The following MTREX variants were observed in gnomAD, a reference collection of about 807,000 sequenced individuals.
MTREX encodes the protein exosome RNA helicase MTR4.
Under a neutral mutation model 135.4 loss-of-function variants are expected in MTREX, and 76 were observed. That is an observed-to-expected ratio of 0.56 (90% confidence interval 0.47 to 0.68). MTREX has a LOEUF of 0.68. Among genes scored for constraint, MTREX ranks in the 30% least tolerant of loss-of-function variants. MTREX has a pLI of 0.00. For missense variants in MTREX, 920 were observed against 1,262.1 expected (o/e 0.73, Z 4.11); for synonymous variants, 404 against 401.6 (o/e 1.01, Z -0.07).
intron 23 of MTREX, among the ~76,000 whole-genome samples, chr5:55,411,675 C>T (rs369109859): frequency 6.6e-6 from 1 of 152,106 alleles, no homozygotes; most frequent in Non-Finnish European, 1.5e-5. Flanking sequence ...GGACAATAAT[C>T]CAAAAACAGT....
intron 18 of MTREX, among the ~76,000 whole-genome samples, chr5:55,380,844 T>A (rs1020372817): frequency 4.6e-5 from 7 of 151,986 alleles, no homozygotes; most frequent in African/African-American, 1.7e-4. Flanking sequence ...GTGTTCCCCT[T>A]TTCTTCCATT....
In MTREX at chr5:55,330,142, A is replaced by C. The variant is rs1048009406; in HGVS notation, c.515+1331A>C. Among the ~76,000 whole-genome samples, 23 of 152,096 alleles carry C rather than the reference A, an allele frequency of 1.5e-4. No individual in the cohort carries two copies. The East Asian group carries it at 4.3e-3, about 28-fold the overall frequency. On this transcript the variant is annotated intron_variant, in intron 5 of 26. Transcript: ENST00000230640. ...CGCCCAGGTTGGAGTGCAGTGGCACAAACAGAGCTCATTTGCATTCTCAAA... is the reference window on the plus strand; with the variant it reads ...CGCCCAGGTTGGAGTGCAGTGGCACCAACAGAGCTCATTTGCATTCTCAAA...
intron 16 of MTREX, among the ~76,000 whole-genome samples, chr5:55,373,993 T>TGG (rs1417209622): frequency 2.6e-5 from 4 of 152,150 alleles, no homozygotes; most frequent in Middle Eastern, 3.4e-3. Context: ...CCAGGCATGG[T>TGG]GGCTCATGCC....
chr5:55,341,869 G>A (rs1749654390), intron 7 of MTREX, 98 bp downstream of exon 7: 1 of 591,008 alleles, frequency 1.7e-6, no homozygotes, highest in African/African-American at 1.9e-5. Context: ...TAGTTTTTGT[G>A]TGGCTAGGGT....
chr5:55,385,613 T>C (rs1750465534), intron 18 of MTREX, among the ~76,000 whole-genome samples: 1 of 152,140 alleles, frequency 6.6e-6, no homozygotes, highest in Non-Finnish European at 1.5e-5. Flanking sequence ...CTTTACTGAA[T>C]TTTAGATTTT....
Position 55,366,857 on chromosome 5 carries a change from A to G in MTREX, c.1792A>G (p.Ile598Val), listed in dbSNP as rs1272118682. The G allele has an allele frequency of 1.2e-6, 2 of 1,609,026 alleles. No homozygotes were observed. Among genetic ancestry groups the G allele is most frequent in the South Asian group, 1.1e-5 (1 of 89,638 alleles). Residue 598 changes from isoleucine to valine, a missense_variant, in exon 16 of 27, where the codon ATT becomes GTT. Physicochemically the swap from Ile to Val is conservative, Grantham distance 29 (BLOSUM62 3). Coordinates refer to ENST00000230640, the MANE Select transcript of MTREX (RefSeq NM_015360.5). ...SFYQFQHYRA[I>V]PGVVEKVKNS... ...CTACCAGTTTCAGCATTATAGAGCAATTCCAGGAGTAGTAGAGAGTAAGTA... is the reference window on the plus strand; with the variant it reads ...CTACCAGTTTCAGCATTATAGAGCAGTTCCAGGAGTAGTAGAGAGTAAGTA...
chr5:55,398,233 T>A (rs573706488), intron 20 of MTREX, among the ~76,000 whole-genome samples: 2 of 151,220 alleles, frequency 1.3e-5, no homozygotes, highest in African/African-American at 2.4e-5. Flanking sequence ...GAGTGAGAAC[T>A]TGTCTCTTTT....
intron 20 of MTREX, among the ~76,000 whole-genome samples, chr5:55,398,207 T>G (rs1579893144): frequency 6.6e-6 from 1 of 151,670 alleles, no homozygotes; most frequent in Non-Finnish European, 1.5e-5. Flanking sequence ...ATCACTGCAC[T>G]CTAGCATGTG....
intron 19 of MTREX, among the ~76,000 whole-genome samples, chr5:55,394,220 T>C (rs1375072304): frequency 6.6e-6 from 1 of 152,250 alleles, no homozygotes; most frequent in African/African-American, 2.4e-5. Context: ...TAGATGTAGT[T>C]AAGTGCATAC....
intron 19 of MTREX, among the ~76,000 whole-genome samples, chr5:55,393,967 C>A (rs930791382): frequency 6.6e-5 from 10 of 152,098 alleles, no homozygotes; most frequent in Non-Finnish European, 1.5e-4. Flanking sequence ...ATAGAATGGC[C>A]TTTGTAATCT....
chr5:55,338,779 T>A (rs1044152409), intron 5 of MTREX, among the ~76,000 whole-genome samples: 1 of 145,120 alleles, frequency 6.9e-6, no homozygotes, highest in Admixed American at 7.0e-5. Context: ...CTGTAGACTT[T>A]CTTTTTCTTT....
chr5:55,403,732 T>C (rs958393347), intron 21 of MTREX, among the ~76,000 whole-genome samples: 1 of 152,226 alleles, frequency 6.6e-6, no homozygotes, highest in Non-Finnish European at 1.5e-5. Context: ...ATTGTCTAGC[T>C]TGGAAAGCAT....
intron 19 of MTREX, among the ~76,000 whole-genome samples, chr5:55,391,300 A>G (rs1750562150): frequency 6.6e-6 from 1 of 152,004 alleles, no homozygotes; most frequent in South Asian, 2.1e-4. Flanking sequence ...AATAACAATT[A>G]GCCAGGCATG....
At chr5:55,387,854 A>T in intron 18 of MTREX, 120 bp from the exon 19 acceptor site, 1 of 866,812 alleles carries the variant, frequency 1.2e-6, no homozygotes, top group South Asian at 2.9e-5. Flanking sequence ...AGTATGTATT[A>T]CACAGTTTGT....
intron 1 of MTREX, among the ~76,000 whole-genome samples, chr5:55,310,428 C>T (rs544961279): frequency 2.6e-5 from 4 of 152,160 alleles, no homozygotes; most frequent in Admixed American, 6.5e-5. Context: ...ACCAACATGG[C>T]GAAACCCCAT....
chr5:55,348,013 C>G (rs1469843479), intron 11 of MTREX, among the ~76,000 whole-genome samples: 2 of 152,168 alleles, frequency 1.3e-5, no homozygotes, highest in South Asian at 4.1e-4. Flanking sequence ...TCTACTGGGT[C>G]CCTCCCACAA....
At chr5:55,375,171 A>G (rs905620370) in intron 16 of MTREX, among the ~76,000 whole-genome samples, 13 of 152,224 alleles carry the variant, frequency 8.5e-5, no homozygotes, top group Non-Finnish European at 1.6e-4. Flanking sequence ...AAAATTGCTA[A>G]TGAAGTTTCG....
In MTREX at chr5:55,312,749, G is replaced by A. The variant is rs113573049; in HGVS notation, c.134+4602G>A. Among the ~76,000 whole-genome samples, 930 of 152,168 alleles carry A rather than the reference G, an allele frequency of 6.1e-3. 8 individuals carry two copies. Among genetic ancestry groups the A allele is most frequent in the African/African-American group, 0.022 (895 of 41,496 alleles). On this transcript the variant is annotated intron_variant, in intron 1 of 26. Coordinates refer to ENST00000230640, the MANE Select transcript of MTREX (RefSeq NM_015360.5). Reference sequence around the variant, plus strand: ...TGGACATTTGAGTTGTTTCTGTTACGTTTTCTGAAACTTGGATTTCCAATC... The same window carrying A: ...TGGACATTTGAGTTGTTTCTGTTACATTTTCTGAAACTTGGATTTCCAATC...
chr5:55,350,653 G>A (rs1240960841), intron 12 of MTREX, among the ~76,000 whole-genome samples: 2 of 152,198 alleles, frequency 1.3e-5, no homozygotes, highest in East Asian at 3.9e-4. Flanking sequence ...GTTTTTTGAG[G>A]AGATGAAGTG....
Sources: allele counts gnomAD v4.1 joint callset (sites outside exome capture counted in the v4.1 genomes callset), GRCh38; gene constraint gnomAD v4.1.1; transcripts MANE v1.5; gene names NCBI Gene and HGNC (gene_info 2026-07-23, HGNC 2026-07-21).